Variants in ABCG5 observed in about 807,000 individuals in gnomAD.
ABCG5 encodes ATP-binding cassette sub-family G member 5.
ABCG5 carries 64 observed loss-of-function variants against 64.5 expected under a neutral mutation model. The ratio of observed to expected loss-of-function variants is 0.99; its 90% CI spans 0.81 to 1.22. The LOEUF is 1.22. ABCG5 is among the 50% of genes most tolerant of loss of function. The pLI is 0.00. For synonymous variants in ABCG5, 385 were observed against 326.3 expected, an observed-to-expected ratio of 1.18 and a Z score of -1.94; for missense variants, 908 against 829.5, an observed-to-expected ratio of 1.09 and a Z score of -1.16.
chr2:43,826,497 G>A lies in ABCG5; in HGVS notation c.659C>T (p.Thr220Ile). 1 of 1,614,198 alleles carries A rather than the reference G, an allele frequency of 6.2e-7. No homozygotes were observed. The highest frequency in any genetic ancestry group is 8.5e-7 in the Non-Finnish European group (1 of 1,180,038). The change falls in exon 6 of 13, where the codon ACC becomes ATC. Residue 220 changes from threonine to isoleucine, a missense_variant. Coordinates refer to ENST00000405322, the MANE Select transcript of ABCG5 (RefSeq NM_022436.3). ...DPKVMLFDEP[T>I]TGLDCMTANQ... ...AGCAGTCATGCAGTCCAGGCCTGTGGTTGGCTCATCAAACAGCATGACCTC... is the reference window on the plus strand; with the variant it reads ...AGCAGTCATGCAGTCCAGGCCTGTGATTGGCTCATCAAACAGCATGACCTC...
chr2:43,823,656 C>G (rs1667396662), intron 9 of ABCG5, among the ~76,000 whole-genome samples: 1 of 152,156 alleles, frequency 6.6e-6, no homozygotes, highest in Non-Finnish European at 1.5e-5. Flanking sequence ...TGAAAAACTC[C>G]TCAAACTCTC....
chr2:43,834,319 C>T (rs895721097), intron 2 of ABCG5, among the ~76,000 whole-genome samples: 4 of 152,212 alleles, frequency 2.6e-5, no homozygotes, highest in African/African-American at 9.7e-5. Context: ...CCCAGCCCCA[C>T]CACTTCATCA....
chr2:43,820,638 C>T (rs1667131214), intron 10 of ABCG5, among the ~76,000 whole-genome samples: 1 of 152,104 alleles, frequency 6.6e-6, no homozygotes, highest in South Asian at 2.1e-4. Flanking sequence ...TTCTACCAAC[C>T]CCTTCCACTG....
intron 11 of ABCG5, among the ~76,000 whole-genome samples, chr2:43,816,467 C>G (rs1018260924): frequency 1.3e-5 from 2 of 152,184 alleles, no homozygotes; most frequent in African/African-American, 4.8e-5. Flanking sequence ...AAGGCACAGA[C>G]AGAAGGAGAA....
downstream of ABCG5, among the ~76,000 whole-genome samples, chr2:43,811,886 G>A (rs1319871895): frequency 3.3e-5 from 5 of 152,214 alleles, 1 homozygote; most frequent in South Asian, 4.1e-4. Context: ...GAGCCACCGC[G>A]CCTGGCCAGA....
Position 43,820,838 on chromosome 2 carries a change from G to C in ABCG5, c.1464-738C>G, listed in dbSNP as rs973621785. On this transcript the variant is annotated intron_variant, in intron 10 of 12. Coordinates refer to ENST00000405322, the MANE Select transcript of ABCG5 (RefSeq NM_022436.3). ...CCAGCTAATTTTTTTGTATTTAGTA[G>C]AGATGGGGTTTTGCCATATTGGCCA... Among the ~76,000 whole-genome samples, 15 of 152,190 alleles carry C rather than the reference G, an allele frequency of 9.9e-5. No individual in the cohort carries two copies. The East Asian group carries it at 2.9e-3, about 29-fold the overall frequency.
chr2:43,816,045 G>C (rs1447831808), intron 11 of ABCG5, among the ~76,000 whole-genome samples: 2 of 152,098 alleles, frequency 1.3e-5, no homozygotes, highest in Non-Finnish European at 2.9e-5. Context: ...TAGGAACTGT[G>C]AACCTTTGTT....
In ABCG5 at chr2:43,831,832, C is replaced by G. The variant is rs748096191; in HGVS notation, c.438G>C (p.Glu146Asp). The G allele has an allele frequency of 2.5e-6, 4 of 1,587,750 alleles. No individual in the cohort carries two copies. The highest frequency in any genetic ancestry group is 4.5e-5 in the East Asian group (2 of 43,978). Residue 146 changes from glutamate to aspartate, a missense_variant, in exon 4 of 13, where the codon GAG (glutamate) becomes GAC (aspartate). Physicochemically the swap from Glu to Asp is conservative, Grantham distance 45. Transcript: ENST00000405322. ...CCAGCAGCGCGGTGTAGTGCAGCGTCTCGCGCACGGTGAGGCTGCTCAGCA... is the reference window on the plus strand; with the variant it reads ...CCAGCAGCGCGGTGTAGTGCAGCGTGTCGCGCACGGTGAGGCTGCTCAGCA... ...DTLLSSLTVRETLHYTALLAI... is the reference protein window; with the variant it reads ...DTLLSSLTVRDTLHYTALLAI...
chr2:43,815,711 C>G (rs1666769933), intron 11 of ABCG5, among the ~76,000 whole-genome samples: 1 of 152,012 alleles, frequency 6.6e-6, no homozygotes, highest in Non-Finnish European at 1.5e-5. Context: ...ACCAGAAACA[C>G]TGGAAGAGAG....
chr2:43,815,834 ATCAGCAT>A (rs2104758471), intron 11 of ABCG5, among the ~76,000 whole-genome samples: 1 of 151,842 alleles, frequency 6.6e-6, no homozygotes, highest in African/African-American at 2.4e-5. Flanking sequence ...TCACGTTGAA[ATCAGCAT>A]TCTGAGAAAA....
At chr2:43,810,366 C>G (rs773454928), downstream of ABCG5, 1 of 985,300 alleles carries the variant, frequency 1.0e-6, no homozygotes, top group Non-Finnish European at 1.2e-6. Flanking sequence ...TTAAATACCA[C>G]TTTTTGAAGA....
At chr2:43,837,655 C>T (rs148249445) in intron 2 of ABCG5, among the ~76,000 whole-genome samples, 179 bp downstream of exon 2, 1 of 152,158 alleles carries the variant, frequency 6.6e-6, no homozygotes, top group Non-Finnish European at 1.5e-5. Context: ...GAATTTTATA[C>T]TCTTTCAAGG....
intron 9 of ABCG5, 151 bp from the exon 10 acceptor site, chr2:43,823,086 C>G (rs538591353): frequency 1.0e-6 from 1 of 1,003,956 alleles, no homozygotes; most frequent in South Asian, 1.4e-5. Context: ...GACCTGCCAT[C>G]CACAGGACAA....
At chr2:43,824,463 T>G (rs1667463426) in intron 7 of ABCG5, 31 bp from the exon 8 acceptor site, 2 of 1,611,042 alleles carry the variant, frequency 1.2e-6, no homozygotes, top group Non-Finnish European at 1.7e-6. Context: ...ATGTCACCCA[T>G]GTGTTTTTAA....
rs1667076641 is a variant in ABCG5 at position 43,819,909 on chromosome 2, T to A, written c.1649+6A>T. ...AATCTAAATTTTTTGAATTATGATATCTTACCTGAGGAATCCAGATCCAAC... is the reference window on the plus strand; with the variant it reads ...AATCTAAATTTTTTGAATTATGATAACTTACCTGAGGAATCCAGATCCAAC... On this transcript the variant is annotated splice_donor_region_variant and intron_variant, in intron 11 of 12. Transcript: ENST00000405322. 6.2e-7 allele frequency: 1 copy of A among 1,614,024 alleles called. No homozygotes were observed. Among genetic ancestry groups the A allele is most frequent in the South Asian group, 1.1e-5 (1 of 91,084 alleles).
rs771802286 is a variant in ABCG5, at chr2:43,824,057, G to T, written c.1180C>A (p.Leu394Met). The change falls in exon 9 of 13, where the codon CTG becomes ATG. Residue 394 changes from leucine (L) to methionine (M), a missense_variant. By Grantham distance (15) the Leu-to-Met change is conservative. Transcript: ENST00000405322. ...AAAAGGAGGAACAAACCCATGATCA[G>T]ATTCTGAAGGAGACGCGTAATCACT... ...LAVITRLLQN[L>M]IMGLFLLFFV... is the part of the protein sequence containing the mutation. 2.5e-6 allele frequency: 4 copies of T among 1,614,188 alleles called. No individual in the cohort carries two copies. Among genetic ancestry groups the T allele is most frequent in the South Asian group, 1.1e-5 (1 of 91,090 alleles).
intron 10 of ABCG5, 91 bp from the exon 11 acceptor site, chr2:43,820,191 T>C: frequency 2.0e-6 from 3 of 1,478,356 alleles, no homozygotes; most frequent in Non-Finnish European, 2.8e-6. Flanking sequence ...TCCTTTGTGG[T>C]GAGTGGGTGG....
At chr2:43,832,104 G>T in intron 2 of ABCG5, 21 bp from the exon 3 acceptor site, 1 of 1,569,804 alleles carries the variant, frequency 6.4e-7, no homozygotes, top group East Asian at 2.3e-5. Context: ...ACAACAGAAG[G>T]CCCTAGAGGA....
At chr2:43,833,608 T>C (rs1003984435) in intron 2 of ABCG5, among the ~76,000 whole-genome samples, 1 of 151,694 alleles carries the variant, frequency 6.6e-6, no homozygotes, top group African/African-American at 2.4e-5. Context: ...ATGGTCACAA[T>C]CTCCTGACCT....
Sources: gnomAD v4.1 joint callset for allele counts (sites outside exome capture counted in the v4.1 genomes callset) on GRCh38, gnomAD v4.1.1 for gene constraint, MANE v1.5 for transcripts, NCBI Gene and HGNC (gene_info 2026-07-23, HGNC 2026-07-21) for gene names.